The following TEFM variants were observed in gnomAD, a reference collection of about 807,000 sequenced individuals.
The protein encoded by TEFM is transcription elongation factor, mitochondrial.
In TEFM, 14 loss-of-function variants were observed where a neutral mutation model predicts 23.0. That is an observed-to-expected ratio of 0.61 (90% CI 0.40 to 0.95). The LOEUF (loss-of-function observed/expected upper bound fraction) is 0.95. TEFM is among the 40% of genes least tolerant of loss of function. The pLI is 0.00. For synonymous variants in TEFM, 155 were observed against 158.3 expected, an observed-to-expected ratio of 0.98 and a Z score of 0.16; for missense variants, 386 against 425.5, an observed-to-expected ratio of 0.91 and a Z score of 0.82.
Position 30,899,264 on chromosome 17 carries a change from A to G in TEFM, c.988T>C (p.Leu330=), listed in dbSNP as rs1909985484. 1 of 1,614,204 alleles carries G rather than the reference A, an allele frequency of 6.2e-7. No homozygotes were observed. ...TCTACTCTTTGTAGTTCAGTAGATAAAAACATCTGTCTGTAGTGAACTATT... is the reference window on the plus strand; with the variant it reads ...TCTACTCTTTGTAGTTCAGTAGATAGAAACATCTGTCTGTAGTGAACTATT... The part of the protein sequence containing the change: ...DKIVHYRQMF[L]STELQRVEEL... The change falls in exon 4 of 4, where the codon TTA becomes CTA. Residue 330 remains leucine, a synonymous_variant. Transcript: ENST00000581216.
Position 30,899,594 on chromosome 17 carries a change from T to C in TEFM, c.658A>G (p.Ile220Val). Reference protein sequence around the residue: ...SVYLEEISSIISKMPKADFYV... With the variant: ...SVYLEEISSIVSKMPKADFYV... ...AAATCTGCTTTAGGCATCTTTGAAA[T>C]GATCGAGGAAATCTTTTTAAAAAAA... The change falls in exon 4 of 4, where the codon ATT becomes GTT. Residue 220 changes from isoleucine (I) to valine (V), a missense_variant. Physicochemically the swap from Ile to Val is conservative, Grantham distance 29. Coordinates refer to ENST00000581216, the MANE Select transcript of TEFM (RefSeq NM_024683.4). The C allele has an allele frequency of 2.6e-6, 4 of 1,521,642 alleles. No homozygotes were observed. Among genetic ancestry groups the C allele is most frequent in the Non-Finnish European group, 3.5e-6 (4 of 1,133,220 alleles). 94.3% of individuals were successfully genotyped at this position (1,521,642 alleles called of 1,614,324 possible).
chr17:30,903,398 TG>T (rs747899717), intron 2 of TEFM, among the ~76,000 whole-genome samples: 13 of 151,702 alleles, frequency 8.6e-5, no homozygotes, highest in Non-Finnish European at 1.8e-4. Context: ...AGCTAAATTT[TG>T]TATTTTTAGT....
At chr17:30,903,517 CTTTT>C (rs397935118) in intron 2 of TEFM, among the ~76,000 whole-genome samples, 1 of 129,908 alleles carries the variant, frequency 7.7e-6, no homozygotes, top group African/African-American at 2.8e-5. Flanking sequence ...GAGCCAGCCG[CTTTT>C]TTTTTTTTTT....
In TEFM at chr17:30,899,316, A is replaced by G. The variant is rs764037666; in HGVS notation, c.936T>C (p.Asp312=). 3 of 1,614,216 alleles carry G rather than the reference A, an allele frequency of 1.9e-6. No homozygotes were observed. Among genetic ancestry groups the G allele is most frequent in the East Asian group, 4.5e-5 (2 of 44,886 alleles). The change falls in exon 4 of 4, where the codon GAT becomes GAC. Residue 312 remains aspartate (D), a synonymous_variant. Transcript: ENST00000581216. ...TATCTGATGGGAAGAACACCCGAGG[A>G]TCCGCCTTCAGTATAGAATCGAAGA... The part of the protein sequence containing the change: ...QFLFDSILKA[D]PRVFFPSDKI...
chr17:30,903,696 C>T (rs561286113), intron 2 of TEFM, among the ~76,000 whole-genome samples: 1 of 152,284 alleles, frequency 6.6e-6, no homozygotes, highest in South Asian at 2.1e-4. Flanking sequence ...TTAATCCTAA[C>T]ATCACCCTTA....
Position 30,904,430 on chromosome 17 carries a change from G to T in TEFM, c.131C>A (p.Thr44Asn), listed in dbSNP as rs749595411. The change falls in exon 2 of 4, where the codon ACT becomes AAT. Residue 44 changes from threonine to asparagine, a missense_variant. Coordinates refer to ENST00000581216, the MANE Select transcript of TEFM (RefSeq NM_024683.4). The stretch of plus-strand genomic sequence containing the variant: ...TTCATCACAAAAAGTAACATTGGGA[G>T]TAATTTTCTTAGGTGTAGTGGATTT... The part of the protein sequence containing the change: ...RKKSTTPKKI[T>N]PNVTFCDENA... 3 of 1,614,142 alleles carry T rather than the reference G, an allele frequency of 1.9e-6. No individual in the cohort carries two copies. The highest frequency in any genetic ancestry group is 2.2e-5 in the South Asian group (2 of 91,080).
At position 30,899,367 on chromosome 17, in the gene TEFM, A is replaced by C. The variant is rs983077404; in HGVS notation, c.885T>G (p.Ser295Arg). 2 of 1,614,090 alleles carry C rather than the reference A, an allele frequency of 1.2e-6. No individual in the cohort carries two copies. Among genetic ancestry groups the C allele is most frequent in the Non-Finnish European group, 1.7e-6 (2 of 1,180,048 alleles). ...GAAACTGCTTCACTAGCTCTTTTCC[A>C]CTAGTCCGGGAGTCACCAATCATCA... ...FELMIGDSRT[S>R]GKELVKQFLF... The change falls in exon 4 of 4, where the codon AGT becomes AGG. Residue 295 changes from serine to arginine, a missense_variant. Coordinates refer to ENST00000581216, the MANE Select transcript of TEFM (RefSeq NM_024683.4).
chr17:30,903,216 C>T (rs1598009618), intron 2 of TEFM, among the ~76,000 whole-genome samples: 2 of 139,098 alleles, frequency 1.4e-5, no homozygotes, highest in African/African-American at 2.6e-5. Context: ...AAAAGAATTG[C>T]TTTTAGAATG....
In TEFM at chr17:30,899,374, C is replaced by T. The variant is rs779339729; in HGVS notation, c.878G>A (p.Arg293Gln). Reference protein sequence around the residue: ...KHFELMIGDSRTSGKELVKQF... With the variant: ...KHFELMIGDSQTSGKELVKQF... Reference sequence around the variant, plus strand: ...CTTCACTAGCTCTTTTCCACTAGTCCGGGAGTCACCAATCATCAGTTCAAA... The same window carrying T: ...CTTCACTAGCTCTTTTCCACTAGTCTGGGAGTCACCAATCATCAGTTCAAA... Residue 293 changes from arginine (R) to glutamine (Q), a missense_variant, in exon 4 of 4, where the codon CGG becomes CAG. Arg to Gln is a conservative substitution (Grantham distance 43). Coordinates refer to ENST00000581216, the MANE Select transcript of TEFM (RefSeq NM_024683.4). 10 of 1,613,994 alleles carry T rather than the reference C, an allele frequency of 6.2e-6. No homozygotes were observed. The highest frequency in any genetic ancestry group is 4.0e-5 in the African/African-American group (3 of 74,916).
chr17:30,900,662 C>T (rs758320340), intron 2 of TEFM, 100 bp from the exon 3 acceptor site: 24 of 1,051,978 alleles, frequency 2.3e-5, no homozygotes, highest in South Asian at 3.2e-5. Context: ...AGTGCAGTGG[C>T]GCGATCTCAA....
Position 30,904,525 on chromosome 17 carries a change from CCT to C in TEFM, c.34_35del (p.Arg12ValfsTer18), listed in dbSNP as rs1434001422. ...TCGACGGGGTCAGAAAGCATCTCCACCTCTCTAAAAGGAAAATTTAGCAAAAT... is the reference window on the plus strand; with the variant it reads ...TCGACGGGGTCAGAAAGCATCTCCACCTCTAAAAGGAAAATTTAGCAAAAT... ...SGSVLFTAGE[R>X]WRCFLTPSRS... On this transcript the variant is annotated frameshift_variant and splice_region_variant, in exon 2 of 4. Coordinates refer to ENST00000581216, the MANE Select transcript of TEFM (RefSeq NM_024683.4). LOFTEE classifies it high-confidence loss of function. The C allele has an allele frequency of 1.9e-6, 3 of 1,594,594 alleles. No individual in the cohort carries two copies. The highest frequency in any genetic ancestry group is 2.6e-6 in the Non-Finnish European group (3 of 1,171,216).
intron 2 of TEFM, 50 bp downstream of exon 2, chr17:30,904,016 T>C (rs1910108822): frequency 6.6e-7 from 1 of 1,524,992 alleles, no homozygotes; most frequent in Non-Finnish European, 8.9e-7. Flanking sequence ...GAGTGCTTTC[T>C]AGAGTAGGTT....
chr17:30,901,109 C>T (rs1451889887), intron 2 of TEFM, among the ~76,000 whole-genome samples: 1 of 152,138 alleles, frequency 6.6e-6, no homozygotes, highest in Admixed American at 6.6e-5. Flanking sequence ...CAACATCCAC[C>T]TCCCAGATTC....
rs765098136 is a variant in TEFM at position 30,904,365 on chromosome 17, A to C, written c.196T>G (p.Ser66Ala). The C allele has an allele frequency of 1.9e-6, 3 of 1,614,084 alleles. No homozygotes were observed. Among genetic ancestry groups the C allele is most frequent in the African/African-American group, 2.7e-5 (2 of 74,928 alleles). Residue 66 changes from serine (S) to alanine (A), a missense_variant, in exon 2 of 4, where the codon TCT becomes GCT. Coordinates refer to ENST00000581216, the MANE Select transcript of TEFM (RefSeq NM_024683.4). The stretch of plus-strand genomic sequence containing the variant: ...AAGATGGAAGCCTGCTGTTCTGAAG[A>C]GAAGAGCTTGTCAAGTGCATTTTCG... ...EPENALDKLF[S>A]SEQQASILHV...
intron 1 of TEFM, among the ~76,000 whole-genome samples, chr17:30,904,758 A>G (rs1598010266): frequency 6.6e-6 from 1 of 150,782 alleles, no homozygotes; most frequent in African/African-American, 2.4e-5. Flanking sequence ...GGCTCACTGC[A>G]AGCTCCGCCT....
At chr17:30,902,814 G>C (rs1910070340) in intron 2 of TEFM, among the ~76,000 whole-genome samples, 1 of 152,154 alleles carries the variant, frequency 6.6e-6, no homozygotes, top group African/African-American at 2.4e-5. Context: ...ATCAAGCAAT[G>C]TTACACAGGA....
Position 30,904,163 on chromosome 17 carries a change from A to G in TEFM, c.398T>C (p.Ile133Thr). Residue 133 changes from isoleucine to threonine, a missense_variant, in exon 2 of 4, where the codon ATA (isoleucine) becomes ACA (threonine). Coordinates refer to ENST00000581216, the MANE Select transcript of TEFM (RefSeq NM_024683.4). ...TTCCCGTCCAGTCTTTGGACAAAGT[A>G]TGGAGTTACAAACTTGAACTGTACT... Reference protein sequence around the residue: ...YKSTVQVCNSILCPKTGREKR... With the variant: ...YKSTVQVCNSTLCPKTGREKR... 6.2e-7 allele frequency: 1 copy of G among 1,614,158 alleles called. No homozygotes were observed. Among genetic ancestry groups the G allele is most frequent in the Non-Finnish European group, 8.5e-7 (1 of 1,180,022 alleles).
rs77986842 is a variant in TEFM at position 30,901,796 on chromosome 17, G to T, written c.496-1234C>A. Among the ~76,000 whole-genome samples, 98 of 152,350 alleles carry T rather than the reference G, an allele frequency of 6.4e-4. 1 individual carries two copies. In the East Asian group the frequency reaches 0.019, roughly 29 times the overall value. ...AAAGATGGGCTGGAGGGAACTAAAG[G>T]TAGGGATCTGTGTTAGGTACCTGTT... On this transcript the variant is annotated intron_variant, in intron 2 of 3. Coordinates refer to ENST00000581216, the MANE Select transcript of TEFM (RefSeq NM_024683.4).
chr17:30,906,150 G>C lies in TEFM; in HGVS notation c.31+18C>G, dbSNP rs549739761. The C allele has an allele frequency of 6.2e-7, 1 of 1,613,720 alleles. No homozygotes were observed. The highest frequency in any genetic ancestry group is 1.1e-5 in the South Asian group (1 of 90,964). On this transcript the variant is annotated intron_variant, in intron 1 of 3. Coordinates refer to ENST00000581216, the MANE Select transcript of TEFM (RefSeq NM_024683.4). ...TAATGACAGACGGGAAATCACCCCA[G>C]TGTTCCAAGCACCCTACCTCCCGCC...
Sources: allele counts gnomAD v4.1 joint callset (sites outside exome capture counted in the v4.1 genomes callset), GRCh38; gene constraint gnomAD v4.1.1; transcripts MANE v1.5; gene names NCBI Gene and HGNC (gene_info 2026-07-23, HGNC 2026-07-21).